Variants in NRG3 observed in about 807,000 individuals in gnomAD.
The protein encoded by NRG3 is neuregulin 3.
NRG3 carries 31 observed loss-of-function variants against 66.9 expected under a neutral mutation model. The ratio of observed to expected loss-of-function variants is 0.46; its 90% CI spans 0.35 to 0.63. The LOEUF (loss-of-function observed/expected upper bound fraction) is 0.63. Ranked by LOEUF, NRG3 falls within the 20% of genes least tolerant of loss-of-function variation. The pLI, the probability that NRG3 is intolerant of heterozygous loss-of-function variation, is 0.00. For missense variants in NRG3, 910 were observed against 878.9 expected (o/e 1.04, Z -0.45); for synonymous variants, 393 against 359.4 (o/e 1.09, Z -1.06).
intron 3 of NRG3, chr10:82,827,194 T>A (rs1192604415): frequency 3.3e-6 from 1 of 300,764 alleles, no homozygotes; most frequent in Admixed American, 4.9e-5. Context: ...GACTTTTTGT[T>A]ACCAAATTGT....
At chr10:82,845,209 G>A (rs2063250509) in intron 3 of NRG3, among the ~76,000 whole-genome samples, 1 of 152,144 alleles carries the variant, frequency 6.6e-6, no homozygotes, top group Non-Finnish European at 1.5e-5. Context: ...TGCTTGTTTT[G>A]ACTTCTATAC....
At chr10:82,190,288 C>T (rs2133342198) in intron 1 of NRG3, among the ~76,000 whole-genome samples, 1 of 151,684 alleles carries the variant, frequency 6.6e-6, no homozygotes, top group East Asian at 1.9e-4. Flanking sequence ...TTATTACTTT[C>T]TAAGCAGGAA....
intron 4 of NRG3, among the ~76,000 whole-genome samples, chr10:82,924,362 C>T (rs895468500): frequency 2.0e-5 from 3 of 152,044 alleles, no homozygotes; most frequent in Non-Finnish European, 2.9e-5. Flanking sequence ...TGCCTCTCTA[C>T]AAACCCCATT....
At chr10:82,198,916 G>T (rs889314972) in intron 1 of NRG3, among the ~76,000 whole-genome samples, 7 of 150,542 alleles carry the variant, frequency 4.6e-5, no homozygotes, top group Non-Finnish European at 1.0e-4. Flanking sequence ...AGAATCGCTT[G>T]AACCCGGGAG....
chr10:82,137,850 C>G (rs1168234298), intron 1 of NRG3, among the ~76,000 whole-genome samples: 2 of 152,072 alleles, frequency 1.3e-5, no homozygotes, highest in Non-Finnish European at 2.9e-5. Context: ...GTTAAATACC[C>G]CAGAATCTAT....
chr10:81,982,949 G>C (rs1008614940), intron 1 of NRG3, among the ~76,000 whole-genome samples: 4 of 152,164 alleles, frequency 2.6e-5, no homozygotes, highest in African/African-American at 9.7e-5. Flanking sequence ...TTTAGCCCAT[G>C]TAACACTGTT....
chr10:82,771,377 T>G (rs1418997569), intron 3 of NRG3, among the ~76,000 whole-genome samples: 1 of 152,150 alleles, frequency 6.6e-6, no homozygotes, highest in Non-Finnish European at 1.5e-5. Context: ...AGTATTTTAT[T>G]CTATAACCAC....
intron 1 of NRG3, among the ~76,000 whole-genome samples, chr10:82,001,097 A>G (rs181856225): frequency 7.2e-5 from 11 of 152,214 alleles, no homozygotes; most frequent in Non-Finnish European, 7.4e-5. Context: ...CAATGAAGGC[A>G]AAGATCATGT....
intron 3 of NRG3, among the ~76,000 whole-genome samples, chr10:82,757,899 T>C (rs2059143376): frequency 6.6e-6 from 1 of 152,120 alleles, no homozygotes; most frequent in African/African-American, 2.4e-5. Flanking sequence ...AATATTTTAA[T>C]TTGGGCATTT....
intron 1 of NRG3, among the ~76,000 whole-genome samples, chr10:82,279,529 CA>C (rs2079026659): frequency 6.6e-6 from 1 of 152,160 alleles, no homozygotes; most frequent in Non-Finnish European, 1.5e-5. Context: ...TTATACTTGT[CA>C]ACTGATTTCT....
chr10:82,836,239 T>A (rs1379487253), intron 3 of NRG3, among the ~76,000 whole-genome samples: 1 of 152,108 alleles, frequency 6.6e-6, no homozygotes, highest in Admixed American at 6.6e-5. Flanking sequence ...TAGCCTAAAA[T>A]ATTTACTATC....
At chr10:82,210,549 G>A (rs1223529754) in intron 1 of NRG3, among the ~76,000 whole-genome samples, 1 of 152,164 alleles carries the variant, frequency 6.6e-6, no homozygotes, top group Non-Finnish European at 1.5e-5. Context: ...AGCACAGGGT[G>A]CTGCAAGAAG....
At chr10:82,048,089 T>A (rs888839260) in intron 1 of NRG3, among the ~76,000 whole-genome samples, 7 of 151,224 alleles carry the variant, frequency 4.6e-5, no homozygotes, top group Non-Finnish European at 1.0e-4. Flanking sequence ...GAGCACCCAG[T>A]TTCATAAAGC....
chr10:81,918,974 A>AACACACACACACACACAC (rs542060517), intron 1 of NRG3, among the ~76,000 whole-genome samples: 3 of 150,070 alleles, frequency 2.0e-5, no homozygotes, highest in African/African-American at 7.4e-5. Context: ...ATCATAACAA[A>AACACACACACACACACAC]ACACACACAC....
chr10:82,133,085 T>A (rs2069056600), intron 1 of NRG3, among the ~76,000 whole-genome samples: 1 of 152,004 alleles, frequency 6.6e-6, no homozygotes, highest in African/African-American at 2.4e-5. Flanking sequence ...TTATTATTTC[T>A]TTTCTTCTAC....
intron 2 of NRG3, among the ~76,000 whole-genome samples, chr10:82,595,510 G>T (rs1306235872): frequency 6.6e-6 from 1 of 152,108 alleles, no homozygotes; most frequent in Non-Finnish European, 1.5e-5. Context: ...TTGGGGCCAG[G>T]CGCGATGGCC....
chr10:82,099,329 C>A (rs191332842), intron 1 of NRG3, among the ~76,000 whole-genome samples: 33 of 152,174 alleles, frequency 2.2e-4, no homozygotes, highest in Middle Eastern at 3.4e-3. Context: ...ACCAAAATTT[C>A]TTGAATTGCC....
chr10:82,769,771 C>CT (rs201943286), intron 3 of NRG3, among the ~76,000 whole-genome samples: 1 of 152,050 alleles, frequency 6.6e-6, no homozygotes, highest in Non-Finnish European at 1.5e-5. Flanking sequence ...TCCTACATAT[C>CT]TTTTTTTCTC....
intron 1 of NRG3, among the ~76,000 whole-genome samples, chr10:82,220,740 G>A (rs77842958): frequency 0.021 from 3,168 of 152,170 alleles, 103 homozygotes; most frequent in African/African-American, 0.072. Flanking sequence ...TTATAGCTGA[G>A]CATCATAGCC....
Sources: gnomAD v4.1 joint callset for allele counts (sites outside exome capture counted in the v4.1 genomes callset) on GRCh38, gnomAD v4.1.1 for gene constraint, MANE v1.5 for transcripts, NCBI Gene and HGNC (gene_info 2026-07-23, HGNC 2026-07-21) for gene names.